Variants in SLC9A8 observed in about 807,000 individuals in gnomAD.
SLC9A8 encodes sodium/hydrogen exchanger 8.
In SLC9A8, 48 loss-of-function variants were observed where a neutral mutation model predicts 66.6. The observed-to-expected ratio is 0.72, with a 90% confidence interval of 0.57 to 0.92. The LOEUF (loss-of-function observed/expected upper bound fraction) is 0.92. Among genes scored for constraint, SLC9A8 ranks in the 40% least tolerant of loss-of-function variants. The pLI is 0.00. For missense variants in SLC9A8, 599 were observed against 747.3 expected, an observed-to-expected ratio of 0.80 and a Z score of 2.31; for synonymous variants, 274 against 282.6, an observed-to-expected ratio of 0.97 and a Z score of 0.31.
At chr20:49,812,988 TGGGCCCCG>T (rs2146418097) in intron 1 of SLC9A8, 40 bp downstream of exon 1, 1 of 1,367,142 alleles carries the variant, frequency 7.3e-7, no homozygotes, top group South Asian at 1.6e-5. Flanking sequence ...GCGGCGGGGC[TGGGCCCCG>T]GCGGGTGACA....
At chr20:49,866,345 G>A (rs1192064956) in intron 10 of SLC9A8, among the ~76,000 whole-genome samples, 1 of 152,226 alleles carries the variant, frequency 6.6e-6, no homozygotes, top group Non-Finnish European at 1.5e-5. Flanking sequence ...GCTAAGAACA[G>A]TGTGCATGTG....
In SLC9A8 at chr20:49,812,842, G is replaced by A; in HGVS notation, c.-81G>A. 6.8e-7 allele frequency: 1 copy of A among 1,463,690 alleles called. No homozygotes were observed. Among genetic ancestry groups the A allele is most frequent in the Admixed American group, 2.3e-5 (1 of 43,968 alleles). 90.7% of individuals were successfully genotyped at this position (1,463,690 alleles called of 1,614,324 possible). ...CCCCGCCTCCCGCTCGCCCGCCCGCGCCTCCAGCGGAAGCCGGAAGCAAAA... is the reference window on the plus strand; with the variant it reads ...CCCCGCCTCCCGCTCGCCCGCCCGCACCTCCAGCGGAAGCCGGAAGCAAAA... On this transcript the variant is annotated 5_prime_UTR_variant, in exon 1 of 16. Coordinates refer to ENST00000361573, the MANE Select transcript of SLC9A8 (RefSeq NM_015266.3).
intron 10 of SLC9A8, among the ~76,000 whole-genome samples, chr20:49,866,035 G>A (rs2088950655): frequency 6.6e-6 from 1 of 152,132 alleles, no homozygotes; most frequent in African/African-American, 2.4e-5. Flanking sequence ...TGCAAATGTG[G>A]ACAGTCATAA....
chr20:49,867,971 T>C (rs758587620), intron 10 of SLC9A8, among the ~76,000 whole-genome samples: 2 of 152,194 alleles, frequency 1.3e-5, no homozygotes, highest in Non-Finnish European at 2.9e-5. Context: ...CAGGGTTTTG[T>C]TTTTCATCGC....
intron 4 of SLC9A8, among the ~76,000 whole-genome samples, chr20:49,842,088 G>T (rs1301096011): frequency 6.6e-6 from 1 of 150,732 alleles, no homozygotes; most frequent in Non-Finnish European, 1.5e-5. Context: ...GGAGTGGTGG[G>T]GAGCAGAGTC....
intron 14 of SLC9A8, 133 bp downstream of exon 14, chr20:49,884,199 GACAC>G (rs370760616): frequency 0.034 from 9,742 of 285,148 alleles, 329 homozygotes; most frequent in South Asian, 0.05. Context: ...CCACACACAC[GACAC>G]ACACACACAC....
At chr20:49,829,877 T>C (rs1600661634) in intron 3 of SLC9A8, 1 of 568,844 alleles carries the variant, frequency 1.8e-6, no homozygotes, top group East Asian at 4.5e-5. Context: ...GGGGGTGTCT[T>C]CGGGCTCTTC....
intron 12 of SLC9A8, 89 bp downstream of exon 12, chr20:49,878,152 C>A: frequency 1.3e-6 from 1 of 765,552 alleles, no homozygotes; most frequent in Non-Finnish European, 2.0e-6. Flanking sequence ...TAACTGTTAA[C>A]TGTTCAAAGT....
At chr20:49,880,054 A>G (rs2089569702) in intron 12 of SLC9A8, among the ~76,000 whole-genome samples, 2 of 152,000 alleles carry the variant, frequency 1.3e-5, no homozygotes, top group Non-Finnish European at 2.9e-5. Flanking sequence ...TGAGACCAGG[A>G]GTTTGAGACC....
In SLC9A8 at chr20:49,824,044, C is replaced by G. The variant is rs60747642; in HGVS notation, c.289+903C>G. ...GTTTAGACTCTGTTCACTAGCCTCC[C>G]CCTCCTCCCATCACCCCAGCAGTCC... On this transcript the variant is annotated intron_variant, in intron 3 of 15. Transcript: ENST00000361573. 0.023 allele frequency among the ~76,000 whole-genome samples: 3,491 copies of G among 152,284 alleles called. 386 individuals are homozygous for G. In the East Asian group the frequency reaches 0.35, roughly 15 times the overall value.
intron 13 of SLC9A8, among the ~76,000 whole-genome samples, chr20:49,882,655 G>A (rs995408749): frequency 6.6e-6 from 1 of 152,150 alleles, no homozygotes; most frequent in Non-Finnish European, 1.5e-5. Context: ...TTTGGATGCC[G>A]TGGGGATGCT....
intron 10 of SLC9A8, among the ~76,000 whole-genome samples, chr20:49,865,734 G>A (rs919667156): frequency 2.6e-5 from 4 of 152,208 alleles, no homozygotes; most frequent in Admixed American, 2.6e-4. Flanking sequence ...AGTCAAGCTT[G>A]CGTCCACAGC....
chr20:49,824,925 G>A (rs1182295870), intron 3 of SLC9A8, among the ~76,000 whole-genome samples: 1 of 152,166 alleles, frequency 6.6e-6, no homozygotes, highest in African/African-American at 2.4e-5. Flanking sequence ...AGCGTGATGA[G>A]GTAGTGGGTC....
intron 3 of SLC9A8, among the ~76,000 whole-genome samples, chr20:49,823,847 T>A (rs2086827525): frequency 6.6e-6 from 1 of 152,152 alleles, no homozygotes; most frequent in African/African-American, 2.4e-5. Context: ...TTTTTATCAG[T>A]TTATTATATT....
chr20:49,869,053 C>T (rs1309848414), intron 10 of SLC9A8, among the ~76,000 whole-genome samples: 1 of 152,144 alleles, frequency 6.6e-6, no homozygotes, highest in Non-Finnish European at 1.5e-5. Flanking sequence ...GCCTCTGACA[C>T]TAAAGATTCA....
chr20:49,844,571 G>T (rs2087899572), intron 4 of SLC9A8, among the ~76,000 whole-genome samples: 1 of 147,824 alleles, frequency 6.8e-6, no homozygotes. Flanking sequence ...ATTGCTTGAG[G>T]CTAGGAGTTT....
At chr20:49,866,551 C>T (rs6012758) in intron 10 of SLC9A8, among the ~76,000 whole-genome samples, 1 of 152,100 alleles carries the variant, frequency 6.6e-6, no homozygotes, top group Non-Finnish European at 1.5e-5. Flanking sequence ...TTTAGCTGTC[C>T]TGATAGGTGT....
intron 2 of SLC9A8, among the ~76,000 whole-genome samples, chr20:49,816,292 T>G (rs1466352980): frequency 6.6e-6 from 1 of 151,976 alleles, no homozygotes; most frequent in Non-Finnish European, 1.5e-5. Flanking sequence ...TGGTGGTATG[T>G]GCCTGTAATC....
At chr20:49,821,468 A>G (rs1286364883) in intron 2 of SLC9A8, among the ~76,000 whole-genome samples, 3 of 152,232 alleles carry the variant, frequency 2.0e-5, no homozygotes, top group Admixed American at 1.3e-4. Context: ...TGATAGTTTA[A>G]AGCACAGAAT....
Sources: gnomAD v4.1 joint callset for allele counts (sites outside exome capture counted in the v4.1 genomes callset) on GRCh38, gnomAD v4.1.1 for gene constraint, MANE v1.5 for transcripts, NCBI Gene and HGNC (gene_info 2026-07-23, HGNC 2026-07-21) for gene names.